The following TNKS variants were observed in gnomAD, a reference collection of about 807,000 sequenced individuals.
TNKS encodes the protein poly [ADP-ribose] polymerase tankyrase-1.
In TNKS, 72 loss-of-function variants were observed where a neutral mutation model predicts 135.8. That is an observed-to-expected ratio of 0.53 (90% CI 0.44 to 0.64). The LOEUF (loss-of-function observed/expected upper bound fraction) is 0.64, where lower values mean the gene tolerates loss of function less well. Among genes scored for constraint, TNKS ranks in the 30% least tolerant of loss-of-function variants. The probability of loss-of-function intolerance (pLI) is 0.00; values close to 1 mark genes in which losing one functional copy is unlikely to be tolerated. For synonymous variants in TNKS, 849 were observed against 649.3 expected, an observed-to-expected ratio of 1.31 and a Z score of -4.68; for missense variants, 1,769 against 1,674.0, an observed-to-expected ratio of 1.06 and a Z score of -0.99.
At chr8:9,574,788 T>A (rs1797881314) in intron 1 of TNKS, among the ~76,000 whole-genome samples, 1 of 152,146 alleles carries the variant, frequency 6.6e-6, no homozygotes, top group Non-Finnish European at 1.5e-5. Flanking sequence ...GATGACACAT[T>A]TTTGGCCAAT....
chr8:9,665,051 ACAATG>A (rs1292635752), intron 3 of TNKS, among the ~76,000 whole-genome samples: 3 of 152,208 alleles, frequency 2.0e-5, no homozygotes, highest in Non-Finnish European at 2.9e-5. Context: ...TGAAATACTG[ACAATG>A]CTAATCAAGA....
intron 20 of TNKS, among the ~76,000 whole-genome samples, chr8:9,759,383 C>T (rs59462993): frequency 3.3e-4 from 51 of 152,280 alleles, no homozygotes; most frequent in African/African-American, 1.2e-3. Context: ...CTGTCTCACA[C>T]GGGGAAGGGA....
chr8:9,719,314 T>C (rs1303025805), intron 11 of TNKS, among the ~76,000 whole-genome samples: 1 of 152,200 alleles, frequency 6.6e-6, no homozygotes, highest in Admixed American at 6.5e-5. Context: ...TTGTATTTAG[T>C]GGGTGTACAC....
intron 11 of TNKS, among the ~76,000 whole-genome samples, chr8:9,718,627 T>G (rs7837815): frequency 0.72 from 108,838 of 151,826 alleles, 39,320 homozygotes; most frequent in Admixed American, 0.8. Context: ...TGCTGCTCAG[T>G]TAGAAATGAA....
chr8:9,767,958 C>CAA lies in TNKS; in HGVS notation c.3740+1550_3740+1551dup, dbSNP rs1030767438. On this transcript the variant is annotated intron_variant, in intron 25 of 26. Coordinates refer to ENST00000310430, the MANE Select transcript of TNKS (RefSeq NM_003747.3). ...TGGGCGACAGAGAGAGACTCCGTCT[C>CAA]AAAAAAAAAAAAAAAAAAGAATACA... is the stretch of plus-strand genomic sequence containing the variant. 3.3e-3 allele frequency among the ~76,000 whole-genome samples: 225 copies of CAA among 67,978 alleles called. 1 individual carries two copies. Among genetic ancestry groups the CAA allele is most frequent in the Middle Eastern group, 7.6e-3 (1 of 132 alleles). The allele number at this position is 67,978 out of a possible 152,430, so 44.6% of individuals were successfully genotyped here.
intron 3 of TNKS, among the ~76,000 whole-genome samples, chr8:9,629,904 G>T (rs923340484): frequency 2.6e-5 from 4 of 152,024 alleles, no homozygotes; most frequent in African/African-American, 9.7e-5. Flanking sequence ...GGATGGTCTC[G>T]ATCTCCTGAC....
chr8:9,769,264 A>G (rs1807654158), intron 25 of TNKS, among the ~76,000 whole-genome samples: 1 of 152,226 alleles, frequency 6.6e-6, no homozygotes, highest in Non-Finnish European at 1.5e-5. Context: ...GCCATGGGCT[A>G]TAGCTTGCTA....
At chr8:9,738,975 G>A (rs1039127576) in intron 17 of TNKS, among the ~76,000 whole-genome samples, 4 of 151,906 alleles carry the variant, frequency 2.6e-5, no homozygotes, top group Non-Finnish European at 5.9e-5. Context: ...CTGTCTCGTT[G>A]ATCTGTCTAA....
intron 2 of TNKS, among the ~76,000 whole-genome samples, chr8:9,601,936 C>A (rs1038707490): frequency 6.6e-6 from 1 of 151,970 alleles, no homozygotes; most frequent in Non-Finnish European, 1.5e-5. Flanking sequence ...TTCAGAGGCC[C>A]GGGAGAAGCC....
intron 2 of TNKS, among the ~76,000 whole-genome samples, chr8:9,590,746 C>T (rs1322201806): frequency 6.6e-6 from 1 of 152,076 alleles, no homozygotes; most frequent in Non-Finnish European, 1.5e-5. Context: ...CTATCTTTGT[C>T]CGTTATTAAA....
In TNKS at chr8:9,781,685, A is replaced by C. The variant is rs550848094; in HGVS notation, c.*4949A>C. 9 of 152,784 alleles carry C rather than the reference A, an allele frequency of 5.9e-5. No individual in the cohort carries two copies. The highest frequency in any genetic ancestry group is 2.2e-4 in the African/African-American group (9 of 41,578). 9.5% of individuals were successfully genotyped at this position (152,784 alleles called of 1,614,324 possible). ...ATCAAGGTTTCTCAAAACATTTACA[A>C]AACCAGCTTTGAGAAAATGTTATGT... is the stretch of plus-strand genomic sequence containing the variant. On this transcript the variant is annotated 3_prime_UTR_variant, in exon 27 of 27. Transcript: ENST00000310430.
intron 20 of TNKS, among the ~76,000 whole-genome samples, chr8:9,756,971 G>GT (rs545554618): frequency 0.022 from 3,258 of 150,918 alleles, 104 homozygotes; most frequent in African/African-American, 0.073. Flanking sequence ...GTTTTTGTTT[G>GT]TTTTTTTTTG....
At chr8:9,658,554 A>T (rs1801535841) in intron 3 of TNKS, 2 of 349,568 alleles carry the variant, frequency 5.7e-6, no homozygotes, top group Admixed American at 1.0e-4. Flanking sequence ...TGTCACCACC[A>T]GGCCTGCCCT....
At chr8:9,704,867 G>A (rs771584901) in intron 6 of TNKS, 110 bp downstream of exon 6, 147 of 714,870 alleles carry the variant, frequency 2.1e-4, no homozygotes, top group Non-Finnish European at 3.1e-4. Flanking sequence ...CTTACATAAC[G>A]TTTTAAGAAT....
intron 1 of TNKS, chr8:9,557,682 C>T (rs948833270): frequency 4.6e-5 from 7 of 151,998 alleles, no homozygotes; most frequent in African/African-American, 1.7e-4. Context: ...GAGATAACTT[C>T]TGTTAAGTTT....
chr8:9,779,526 G>T lies in TNKS; in HGVS notation c.*2790G>T, dbSNP rs1808376287. ...CAGTTTACCTGCTGTTGGCCTGCTG[G>T]ATACTTGACTCAGGCATAAATTAAG... On this transcript the variant is annotated 3_prime_UTR_variant, in exon 27 of 27. Coordinates refer to ENST00000310430, the MANE Select transcript of TNKS (RefSeq NM_003747.3). 6.6e-6 allele frequency: 1 copy of T among 152,124 alleles called. No individual in the cohort carries two copies. Among genetic ancestry groups the T allele is most frequent in the Non-Finnish European group, 1.5e-5 (1 of 68,038 alleles). 9.4% of individuals were successfully genotyped at this position (152,124 alleles called of 1,614,324 possible).
At chr8:9,558,508 C>T (rs1457794622) in intron 1 of TNKS, 2 of 152,132 alleles carry the variant, frequency 1.3e-5, no homozygotes, top group Non-Finnish European at 2.9e-5. Flanking sequence ...AATTGCGTCA[C>T]AAATCATGTC....
At chr8:9,576,450 G>A (rs1366181586) in intron 1 of TNKS, among the ~76,000 whole-genome samples, 1 of 151,570 alleles carries the variant, frequency 6.6e-6, no homozygotes, top group Non-Finnish European at 1.5e-5. Context: ...AAAGCGGGAG[G>A]TGCCACCACC....
intron 1 of TNKS, among the ~76,000 whole-genome samples, chr8:9,567,434 G>C (rs546779692): frequency 6.6e-6 from 1 of 150,918 alleles, no homozygotes; most frequent in South Asian, 2.1e-4. Context: ...TTTTTTTTTT[G>C]AGACGGAGTC....
Sources: gnomAD v4.1 joint callset for allele counts (sites outside exome capture counted in the v4.1 genomes callset) on GRCh38, gnomAD v4.1.1 for gene constraint, MANE v1.5 for transcripts, NCBI Gene and HGNC (gene_info 2026-07-23, HGNC 2026-07-21) for gene names.